TRPM7: variants seen among roughly 807,000 people sequenced by gnomAD.
TRPM7 encodes the protein transient receptor potential cation channel subfamily M member 7.
In TRPM7, 134 loss-of-function variants were observed where a neutral mutation model predicts 229.7. The ratio of observed to expected loss-of-function variants is 0.58; its 90% CI spans 0.51 to 0.67. The LOEUF (loss-of-function observed/expected upper bound fraction) is 0.67. Ranked by LOEUF, TRPM7 falls within the 30% of genes least tolerant of loss-of-function variation. TRPM7 has a pLI of 0.00. For missense variants in TRPM7, 1,901 were observed against 2,210.0 expected (o/e 0.86, Z 2.80); for synonymous variants, 699 against 715.2 (o/e 0.98, Z 0.36).
chr15:50,622,014 G>A (rs2060421868), intron 12 of TRPM7, among the ~76,000 whole-genome samples: 1 of 102,858 alleles, frequency 9.7e-6, no homozygotes, highest in Admixed American at 1.0e-4. Flanking sequence ...TGGATGACAA[G>A]AGCAAAACTG....
At chr15:50,615,410 A>C (rs1596202133) in intron 13 of TRPM7, among the ~76,000 whole-genome samples, 2 of 152,236 alleles carry the variant, frequency 1.3e-5, no homozygotes, top group South Asian at 4.1e-4. Context: ...TAAAGATAAG[A>C]CTTCATTTTC....
intron 20 of TRPM7, among the ~76,000 whole-genome samples, chr15:50,605,601 T>C (rs1411726282): frequency 6.6e-6 from 1 of 152,188 alleles, no homozygotes; most frequent in Non-Finnish European, 1.5e-5. Flanking sequence ...AATCATCTTT[T>C]GGGAGGAATG....
chr15:50,571,769 T>C (rs75262901), intron 36 of TRPM7, among the ~76,000 whole-genome samples: 3,523 of 152,286 alleles, frequency 0.023, 65 homozygotes, highest in Non-Finnish European at 0.031. Flanking sequence ...GATATTCCTA[T>C]GTAAAAATTG....
At position 50,629,334 on chromosome 15, in the gene TRPM7, G is replaced by A. The variant is rs765734142; in HGVS notation, c.1205-1085C>T. 8.6e-4 allele frequency among the ~76,000 whole-genome samples: 129 copies of A among 149,606 alleles called. 10 individuals carry two copies. Among genetic ancestry groups the A allele is most frequent in the Admixed American group, 5.7e-3 (85 of 14,964 alleles). On this transcript the variant is annotated intron_variant, in intron 10 of 38. Transcript: ENST00000646667. ...GTTGTCCAGGCTGGAGTGCAGTGGCGTGGTCTTGGTTCACTGCAACCTCTG... is the reference window on the plus strand; with the variant it reads ...GTTGTCCAGGCTGGAGTGCAGTGGCATGGTCTTGGTTCACTGCAACCTCTG...
chr15:50,571,377 A>G (rs2053876986), intron 36 of TRPM7, among the ~76,000 whole-genome samples: 1 of 152,234 alleles, frequency 6.6e-6, no homozygotes, highest in Admixed American at 6.5e-5. Context: ...AACTTACTTT[A>G]AGGAAATAAA....
At chr15:50,579,924 C>G (rs2054320848) in intron 30 of TRPM7, among the ~76,000 whole-genome samples, 1 of 152,174 alleles carries the variant, frequency 6.6e-6, no homozygotes, top group East Asian at 1.9e-4. Flanking sequence ...GTAGCTAGGA[C>G]CACAAGCGCA....
intron 31 of TRPM7, among the ~76,000 whole-genome samples, chr15:50,576,552 T>C (rs893880723): frequency 1.3e-5 from 2 of 152,224 alleles, no homozygotes; most frequent in Non-Finnish European, 2.9e-5. Context: ...TACGACTATA[T>C]AGGAGTACCT....
chr15:50,638,186 C>G lies in TRPM7; in HGVS notation c.661-593G>C, dbSNP rs565567085. 2.8e-3 allele frequency among the ~76,000 whole-genome samples: 424 copies of G among 151,040 alleles called. 1 individual carries two copies. The highest frequency in any genetic ancestry group is 5.4e-3 in the Admixed American group (81 of 15,132). On this transcript the variant is annotated intron_variant, in intron 6 of 38. Coordinates refer to ENST00000646667, the MANE Select transcript of TRPM7 (RefSeq NM_017672.6). Reference sequence around the variant, plus strand: ...CATCCTGGCTAACACGGTGAAACCCCGTCTCTACTAAAAATACAAAAAATT... The same window carrying G: ...CATCCTGGCTAACACGGTGAAACCCGGTCTCTACTAAAAATACAAAAAATT...
chr15:50,574,620 A>G lies in TRPM7; in HGVS notation c.5102+17T>C, dbSNP rs1469330211. 4 of 1,601,064 alleles carry G rather than the reference A, an allele frequency of 2.5e-6. No individual in the cohort carries two copies. Among genetic ancestry groups the G allele is most frequent in the Non-Finnish European group, 3.4e-6 (4 of 1,175,076 alleles). ...ATCCATATAATAAAAGATCCCAGAA[A>G]AAAATTAAAGATTTACCTTGGAGAA... On this transcript the variant is annotated intron_variant, in intron 35 of 38. Coordinates refer to ENST00000646667, the MANE Select transcript of TRPM7 (RefSeq NM_017672.6).
At chr15:50,595,101 G>T (rs1022150052) in intron 23 of TRPM7, among the ~76,000 whole-genome samples, 3 of 152,214 alleles carry the variant, frequency 2.0e-5, no homozygotes, top group African/African-American at 7.2e-5. Context: ...TACTCTGGAG[G>T]TGAGACAGGA....
At chr15:50,595,792 A>C (rs2059615496) in intron 23 of TRPM7, among the ~76,000 whole-genome samples, 1 of 152,140 alleles carries the variant, frequency 6.6e-6, no homozygotes, top group South Asian at 2.1e-4. Flanking sequence ...TGAACCCTGA[A>C]AACTAAGGTT....
chr15:50,596,423 A>C (rs765205439), intron 22 of TRPM7, 42 bp from the exon 23 acceptor site: 2 of 1,440,008 alleles, frequency 1.4e-6, no homozygotes, highest in African/African-American at 2.9e-5. Flanking sequence ...CAACTTAAAA[A>C]TAGTAATTCA....
chr15:50,575,878 A>G lies in TRPM7; in HGVS notation c.4660T>C (p.Tyr1554His), dbSNP rs1443129250. 6.2e-7 allele frequency: 1 copy of G among 1,613,278 alleles called. No homozygotes were observed. Among genetic ancestry groups the G allele is most frequent in the African/African-American group, 1.3e-5 (1 of 74,910 alleles). ...PFKPAMDTNY[Y>H]YSAVERNNLM... ...TTTTAATATTACTGACCTGAATAAT[A>G]GTAATTTGTATCCATAGCTGGCTTA... is the stretch of plus-strand genomic sequence containing the variant. Residue 1554 changes from tyrosine to histidine, a missense_variant, in exon 32 of 39, where the codon TAT (tyrosine) becomes CAT (histidine). Physicochemically the swap from Tyr to His is moderately conservative, Grantham distance 83 (BLOSUM62 2). This residue lies in a region of TRPM7 where 533 missense variants were observed against 497.1 expected (regional missense o/e 1.07). Transcript: ENST00000646667.
intron 12 of TRPM7, 73 bp downstream of exon 12, chr15:50,624,093 G>C: frequency 7.0e-7 from 1 of 1,422,750 alleles, no homozygotes; most frequent in Non-Finnish European, 9.5e-7. Flanking sequence ...CAATAGGAAT[G>C]GCTATATTCA....
intron 13 of TRPM7, among the ~76,000 whole-genome samples, chr15:50,618,606 AATAAATAAACGT>A (rs1357262890): frequency 2.0e-5 from 2 of 100,882 alleles, no homozygotes; most frequent in Admixed American, 1.3e-4. Context: ...TAAATAAATA[AATAAATAAACGT>A]ATGTTAAAAT....
At chr15:50,629,955 G>A (rs1012449396) in intron 10 of TRPM7, among the ~76,000 whole-genome samples, 2 of 143,542 alleles carry the variant, frequency 1.4e-5, no homozygotes, top group Non-Finnish European at 3.0e-5. Flanking sequence ...TCTGCCTTCC[G>A]GGTTCAAGCA....
chr15:50,679,526 ATATATATATATATTT>A (rs2062191256), intron 1 of TRPM7, among the ~76,000 whole-genome samples: 1 of 46,196 alleles, frequency 2.2e-5, no homozygotes, highest in African/African-American at 1.1e-4. Flanking sequence ...ATATATATAT[ATATATATATATATTT>A]TTTTTTTTTT....
At position 50,678,239 on chromosome 15, in the gene TRPM7, C is replaced by CAAAAAA. The variant is rs527874854; in HGVS notation, c.3+8286_3+8291dup. 4.6e-4 allele frequency among the ~76,000 whole-genome samples: 42 copies of CAAAAAA among 91,972 alleles called. 3 individuals carry two copies. Among genetic ancestry groups the CAAAAAA allele is most frequent in the Non-Finnish European group, 5.6e-4 (24 of 42,872 alleles). 60.3% of individuals were successfully genotyped at this position (91,972 alleles called of 152,430 possible). ...TGGGCAACAGAGTGAGACTCTCTCT[C>CAAAAAA]AAAAAAAAAAAACAAAAACAAAAAC... On this transcript the variant is annotated intron_variant, in intron 1 of 38. Transcript: ENST00000646667.
At chr15:50,639,692 C>G (rs2061029350) in intron 5 of TRPM7, 144 bp from the exon 6 acceptor site, 2 of 613,820 alleles carry the variant, frequency 3.3e-6, no homozygotes, top group Non-Finnish European at 5.2e-6. Context: ...TGAGCCTCCC[C>G]AGTAGGTGGG....
Sources: allele counts gnomAD v4.1 joint callset (sites outside exome capture counted in the v4.1 genomes callset), GRCh38; gene constraint gnomAD v4.1.1; regional missense constraint gnomAD v4.1.1; transcripts MANE v1.5; gene names NCBI Gene and HGNC (gene_info 2026-07-23, HGNC 2026-07-21).